SMPD3: variants seen among roughly 807,000 people sequenced by gnomAD.
SMPD3 encodes sphingomyelin phosphodiesterase 3.
In SMPD3, 21 loss-of-function variants were observed where a neutral mutation model predicts 55.7. The observed-to-expected ratio is 0.38, with a 90% CI of 0.27 to 0.54. The LOEUF (loss-of-function observed/expected upper bound fraction) is 0.54, where lower values mean the gene tolerates loss of function less well. SMPD3 is among the 20% of genes least tolerant of loss of function. The pLI, the probability that SMPD3 is intolerant of heterozygous loss-of-function variation, is 0.80. For synonymous variants in SMPD3, 457 were observed against 404.3 expected (o/e 1.13, Z -1.56); for missense variants, 842 against 899.6 (o/e 0.94, Z 0.82).
rs1274004245 is a variant in SMPD3, at chr16:68,448,108, G to T, written c.-269+245C>A. The stretch of plus-strand genomic sequence containing the variant: ...CCTCCTCGCTCTCCCAGGAGAGATG[G>T]GGGGTGGGGGTGACCCCCAGCCCTC... On this transcript the variant is annotated intron_variant, in intron 1 of 8. Transcript: ENST00000219334. 2.7e-5 allele frequency among the ~76,000 whole-genome samples: 4 copies of T among 148,784 alleles called. No individual in the cohort carries two copies. In the South Asian group the frequency reaches 8.3e-4, roughly 31 times the overall value.
rs2090620949 is a variant in SMPD3 at position 68,447,651 on chromosome 16, G to C, written c.-269+702C>G. ...TCCACCCGCGACTCCGAGAAGGATG[G>C]GGAGGGGTCTCCCAGCGTTTCCCTG... On this transcript the variant is annotated intron_variant, in intron 1 of 8. Transcript: ENST00000219334. The surrounding 1 kb of genome is among the most constrained non-coding windows in gnomAD (Gnocchi z 5.1). Among the ~76,000 whole-genome samples, 1 of 152,196 alleles carries C rather than the reference G, an allele frequency of 6.6e-6. No individual in the cohort carries two copies. Among genetic ancestry groups the C allele is most frequent in the African/African-American group, 2.4e-5 (1 of 41,452 alleles).
chr16:68,366,532 T>C (rs1166803555), intron 3 of SMPD3, among the ~76,000 whole-genome samples: 1 of 152,224 alleles, frequency 6.6e-6, no homozygotes, highest in African/African-American at 2.4e-5. Flanking sequence ...TTGATGGTTC[T>C]GCTGCAAAAA....
At chr16:68,361,544 A>G (rs1236047169) in intron 8 of SMPD3, 59 bp downstream of exon 8, 3 of 1,585,012 alleles carry the variant, frequency 1.9e-6, no homozygotes, top group African/African-American at 2.7e-5. Context: ...CGAGAGCTGC[A>G]GGGCCCGGGC....
At chr16:68,387,587 C>A (rs998118210) in intron 1 of SMPD3, among the ~76,000 whole-genome samples, 1 of 152,232 alleles carries the variant, frequency 6.6e-6, no homozygotes, top group African/African-American at 2.4e-5. Flanking sequence ...TCTGCCGAAT[C>A]CTTGGCTCCG....
intron 3 of SMPD3, among the ~76,000 whole-genome samples, chr16:68,370,475 C>T (rs1406676556): frequency 6.6e-6 from 1 of 152,188 alleles, no homozygotes; most frequent in East Asian, 1.9e-4. Flanking sequence ...CTCACTTTAT[C>T]ACTGCCACCA....
intron 5 of SMPD3, chr16:68,364,449 C>G (rs747331050): frequency 8.8e-6 from 3 of 339,542 alleles, no homozygotes; most frequent in Non-Finnish European, 1.6e-5. Context: ...AGCAAGAGCG[C>G]GGCGCCCCGT....
intron 2 of SMPD3, among the ~76,000 whole-genome samples, chr16:68,376,810 C>G (rs2151991272): frequency 6.6e-6 from 1 of 152,358 alleles, no homozygotes; most frequent in East Asian, 1.9e-4. Flanking sequence ...AGACCTGCCC[C>G]TGGCCCTCGG....
chr16:68,377,792 C>T (rs1269983130), intron 2 of SMPD3, among the ~76,000 whole-genome samples: 1 of 152,214 alleles, frequency 6.6e-6, no homozygotes, highest in Non-Finnish European at 1.5e-5. Flanking sequence ...GCTCTGCTTG[C>T]ACAGTGGTGC....
chr16:68,371,529 C>T lies in SMPD3; in HGVS notation c.653G>A (p.Arg218Gln), dbSNP rs762967988. The T allele has an allele frequency of 2.1e-5, 34 of 1,600,772 alleles. No homozygotes were observed. Among genetic ancestry groups the T allele is most frequent in the Middle Eastern group, 1.6e-4 (1 of 6,070 alleles). ...GTTGGCAGCCTCGTCACCGGGGTGC[C>T]GCCCACCGTCACCCTTGTACTCCAC... Reference protein sequence around the residue: ...ASVEYKGDGGRHPGDEAANGP... With the variant: ...ASVEYKGDGGQHPGDEAANGP... Residue 218 changes from arginine to glutamine, a missense_variant, in exon 3 of 9, where the codon CGG (arginine) becomes CAG (glutamine). Coordinates refer to ENST00000219334, the MANE Select transcript of SMPD3 (RefSeq NM_018667.4).
chr16:68,371,076 C>G lies in SMPD3; in HGVS notation c.1106G>C (p.Arg369Pro). 1 of 1,614,182 alleles carries G rather than the reference C, an allele frequency of 6.2e-7. No homozygotes were observed. The highest frequency in any genetic ancestry group is 8.5e-7 in the Non-Finnish European group (1 of 1,180,044). ...CTGCTCTTTCAATTTGGTGGCTGCT[C>G]GCTTGTCAAACACCTCCTGCAGGCA... ...FLCLQEVFDK[R>P]AATKLKEQLH... Residue 369 changes from arginine to proline, a missense_variant, in exon 3 of 9, where the codon CGA (arginine) becomes CCA (proline). Arg to Pro is a moderately radical substitution (Grantham distance 103). Coordinates refer to ENST00000219334, the MANE Select transcript of SMPD3 (RefSeq NM_018667.4).
intron 2 of SMPD3, 42 bp downstream of exon 2, chr16:68,386,556 A>G (rs1438687079): frequency 1.0e-5 from 1 of 98,674 alleles, no homozygotes; most frequent in Non-Finnish European, 2.1e-5. Flanking sequence ...TCCCTTCCCC[A>G]CCCCCACCCC....
chr16:68,372,730 A>T (rs1162012621), intron 2 of SMPD3, among the ~76,000 whole-genome samples: 1 of 152,176 alleles, frequency 6.6e-6, no homozygotes, highest in African/African-American at 2.4e-5. Context: ...ATCCTAGAGG[A>T]TGCCTGGGCC....
intron 1 of SMPD3, among the ~76,000 whole-genome samples, chr16:68,415,163 C>T (rs1331348054): frequency 6.6e-5 from 10 of 152,146 alleles, no homozygotes; most frequent in African/African-American, 2.2e-4. Context: ...GGGCATCCTA[C>T]AGGTAACGCC....
At chr16:68,405,363 C>A (rs1302629916) in intron 1 of SMPD3, among the ~76,000 whole-genome samples, 1 of 151,826 alleles carries the variant, frequency 6.6e-6, no homozygotes, top group Non-Finnish European at 1.5e-5. Context: ...CCAGCCTGGG[C>A]AACATGGCAA....
At position 68,371,621 on chromosome 16, in the gene SMPD3, C is replaced by T. The variant is rs781333127; in HGVS notation, c.561G>A (p.Leu187=). Residue 187 remains leucine, a synonymous_variant, in exon 3 of 9, where the codon CTG becomes CTA. Transcript: ENST00000219334. ...TSISAASFSS[L]VSPQGGDGVA... Reference sequence around the variant, plus strand: ...CCCCATCGCCGCCCTGTGGTGACACCAGGCTGCTGAAGCTAGCGGCGCTGA... The same window carrying T: ...CCCCATCGCCGCCCTGTGGTGACACTAGGCTGCTGAAGCTAGCGGCGCTGA... 8.3e-6 allele frequency: 13 copies of T among 1,565,936 alleles called. No homozygotes were observed. The East Asian group carries it at 2.9e-4, about 35-fold the overall frequency.
In SMPD3 at chr16:68,371,283, TC is replaced by T; in HGVS notation, c.898del (p.Glu300SerfsTer4). ...GSLGSPSASRESLVKGRAGPD... is the reference protein window; with the variant it reads ...GSLGSPSASRXSLVKGRAGPD... ...CCCAGCTCGCCCCTTCACCAGGGAC[TC>T]CCGGGAGGCCGAGGGGCTGCCCAGG... On this transcript the variant is annotated frameshift_variant, in exon 3 of 9. Coordinates refer to ENST00000219334, the MANE Select transcript of SMPD3 (RefSeq NM_018667.4). LOFTEE classifies it high-confidence loss of function. The T allele has an allele frequency of 6.2e-7, 1 of 1,604,670 alleles. No individual in the cohort carries two copies.
At chr16:68,443,154 G>A (rs1378641448) in intron 1 of SMPD3, among the ~76,000 whole-genome samples, 1 of 152,168 alleles carries the variant, frequency 6.6e-6, no homozygotes. Flanking sequence ...GGAGCAGTTG[G>A]AACTGCCACT....
At chr16:68,434,425 T>C (rs911760419) in intron 1 of SMPD3, among the ~76,000 whole-genome samples, 1 of 152,254 alleles carries the variant, frequency 6.6e-6, no homozygotes, top group African/African-American at 2.4e-5. Context: ...TGCTTGACAC[T>C]GCTTATTGCC....
At chr16:68,446,468 G>A (rs77191952) in intron 1 of SMPD3, among the ~76,000 whole-genome samples, 1 of 39,390 alleles carries the variant, frequency 2.5e-5, no homozygotes. Flanking sequence ...ATCAGTAAAT[G>A]AGTAAGTGGT....
Sources: allele counts gnomAD v4.1 joint callset (sites outside exome capture counted in the v4.1 genomes callset), GRCh38; gene constraint gnomAD v4.1.1; non-coding constraint Gnocchi (gnomAD v3.1); transcripts MANE v1.5; gene names NCBI Gene and HGNC (gene_info 2026-07-23, HGNC 2026-07-21).